The following ATP2A3 variants were observed in gnomAD, a reference collection of about 807,000 sequenced individuals.
ATP2A3 encodes sarcoplasmic/endoplasmic reticulum calcium ATPase 3.
A neutral mutation model predicts 106.8 loss-of-function variants in ATP2A3; 61 were observed. The observed-to-expected ratio is 0.57, with a 90% CI of 0.46 to 0.71. The LOEUF is 0.71. Ranked by LOEUF, ATP2A3 falls within the 30% of genes least tolerant of loss-of-function variation. The pLI is 0.00. For synonymous variants in ATP2A3, 611 were observed against 609.3 expected, an observed-to-expected ratio of 1.00 and a Z score of -0.04; for missense variants, 1,201 against 1,423.5, an observed-to-expected ratio of 0.84 and a Z score of 2.52.
At chr17:3,952,093 G>A (rs796895139) in intron 3 of ATP2A3, among the ~76,000 whole-genome samples, 12 of 152,264 alleles carry the variant, frequency 7.9e-5, no homozygotes, top group African/African-American at 2.4e-4. Context: ...GCAAGCCTAC[G>A]GATTCTTTTG....
At chr17:3,938,551 T>A (rs192180761) in intron 14 of ATP2A3, among the ~76,000 whole-genome samples, 275 of 151,762 alleles carry the variant, frequency 1.8e-3, no homozygotes, top group Non-Finnish European at 3.2e-3. Context: ...CTGGAATTCT[T>A]TTTTTTTGGT....
At position 3,941,448 on chromosome 17, in the gene ATP2A3, A is replaced by G. The variant is rs1346799051; in HGVS notation, c.1752T>C (p.Phe584=). 6.2e-7 allele frequency: 1 copy of G among 1,613,758 alleles called. No individual in the cohort carries two copies. The highest frequency in any genetic ancestry group is 8.5e-7 in the Non-Finnish European group (1 of 1,179,772). Reference sequence around the variant, plus strand: ...CTCCTGCACCCACCTCGTACTGCACAAACTTGCTGCAGTCGTCCAGCTCCA... The same window carrying G: ...CTCCTGCACCCACCTCGTACTGCACGAACTTGCTGCAGTCGTCCAGCTCCA... ...EDMELDDCSK[F]VQYETDLTFV... is the part of the protein sequence containing the mutation. The change falls in exon 13 of 21, where the codon TTT becomes TTC. Residue 584 remains phenylalanine (F), a synonymous_variant. Coordinates refer to ENST00000397041, the MANE Select transcript of ATP2A3 (RefSeq NM_005173.4).
rs1413099907 is a variant in ATP2A3 at position 3,953,063 on chromosome 17, A to G, written c.219+284T>C. Among the ~76,000 whole-genome samples the G allele has an allele frequency of 6.6e-6, 1 of 152,182 alleles. No homozygotes were observed. Among genetic ancestry groups the G allele is most frequent in the African/African-American group, 2.4e-5 (1 of 41,438 alleles). On this transcript the variant is annotated intron_variant, in intron 3 of 20. Coordinates refer to ENST00000397041, the MANE Select transcript of ATP2A3 (RefSeq NM_005173.4). This position sits in a 1 kb window ranked among gnomAD's most constrained non-coding sequence, Gnocchi z 5.1. ...CTGAGGCAGAGAAACCCTAGGGTAC[A>G]GCAGGGCGGGGCGGGGGGCAGATGT... is the stretch of plus-strand genomic sequence containing the variant.
chr17:3,955,276 T>G lies in ATP2A3; in HGVS notation c.119-1566A>C, dbSNP rs960318431. Among the ~76,000 whole-genome samples, 12 of 152,202 alleles carry G rather than the reference T, an allele frequency of 7.9e-5. No homozygotes were observed. Among genetic ancestry groups the G allele is most frequent in the African/African-American group, 2.7e-4 (11 of 41,440 alleles). ...GTTTTTGGCCTACAGGCATTTTTTTTTCCTACGGGAGCCCTCTCCCCGGAC... is the reference window on the plus strand; with the variant it reads ...GTTTTTGGCCTACAGGCATTTTTTTGTCCTACGGGAGCCCTCTCCCCGGAC... On this transcript the variant is annotated intron_variant, in intron 1 of 20. Transcript: ENST00000397041. The surrounding 1 kb of genome is among the most constrained non-coding windows in gnomAD (Gnocchi z 4.2).
intron 20 of ATP2A3, chr17:3,927,383 C>T (rs2052765076): frequency 2.1e-5 from 21 of 985,474 alleles, no homozygotes; most frequent in Non-Finnish European, 2.5e-5. Context: ...GGAACTCTCC[C>T]GAGGAAGACA....
At position 3,944,739 on chromosome 17, in the gene ATP2A3, C is replaced by A. The variant is rs143239393; in HGVS notation, c.1252G>T (p.Ala418Ser). The change falls in exon 10 of 21, where the codon GCC (alanine) becomes TCC (serine). Residue 418 changes from alanine to serine, a missense_variant. Coordinates refer to ENST00000397041, the MANE Select transcript of ATP2A3 (RefSeq NM_005173.4). ...TCCAGAGCCGAGTCGTTGCACAGGG[C>A]GCAGATGGTCGCCAGCTCCACCAGC... Reference protein sequence around the residue: ...DGLVELATICALCNDSALDYN... With the variant: ...DGLVELATICSLCNDSALDYN... 1.2e-6 allele frequency: 2 copies of A among 1,613,230 alleles called. No individual in the cohort carries two copies. Among genetic ancestry groups the A allele is most frequent in the South Asian group, 2.2e-5 (2 of 91,044 alleles).
In ATP2A3 at chr17:3,952,141, G is replaced by A. The variant is rs1432742604; in HGVS notation, c.220-456C>T. On this transcript the variant is annotated intron_variant, in intron 3 of 20. Transcript: ENST00000397041. ...GCTCTGTCGCCCAGGCTGGAGTGCG[G>A]TGGCTGGATCTTGGCTCACTGCAAC... is the stretch of plus-strand genomic sequence containing the variant. 2.6e-5 allele frequency among the ~76,000 whole-genome samples: 4 copies of A among 152,230 alleles called. No individual in the cohort carries two copies. In the East Asian group the frequency reaches 7.7e-4, roughly 29 times the overall value.
intron 4 of ATP2A3, 26 bp downstream of exon 4, chr17:3,951,555 C>CCCCCCG: frequency 7.1e-7 from 1 of 1,413,332 alleles, no homozygotes. Context: ...CGCCCCCCGC[C>CCCCCCG]CGGTCCCACC....
In ATP2A3 at chr17:3,951,702, G is replaced by A. The variant is rs2144654111; in HGVS notation, c.220-17C>T. On this transcript the variant is annotated splice_polypyrimidine_tract_variant and intron_variant, in intron 3 of 20. Coordinates refer to ENST00000397041, the MANE Select transcript of ATP2A3 (RefSeq NM_005173.4). ...GGCCAGGACCTGCAGGATCACAGCT[G>A]GTGAGCTCAGGCCCTGCTGCGGGCC... 1 of 1,598,910 alleles carries A rather than the reference G, an allele frequency of 6.3e-7. No homozygotes were observed. Among genetic ancestry groups the A allele is most frequent in the Non-Finnish European group, 8.5e-7 (1 of 1,172,914 alleles).
At chr17:3,948,728 C>G (rs1409928564) in intron 7 of ATP2A3, among the ~76,000 whole-genome samples, 1 of 152,066 alleles carries the variant, frequency 6.6e-6, no homozygotes, top group East Asian at 1.9e-4. Context: ...CCCTCCAAAG[C>G]TTCTTAGTGA....
Position 3,941,015 on chromosome 17 carries a change from G to A in ATP2A3, c.2056C>T (p.Arg686Cys), listed in dbSNP as rs760508595. Residue 686 changes from arginine (R) to cysteine (C), a missense_variant, in exon 14 of 21, where the codon CGC (arginine) becomes TGC (cysteine). By Grantham distance (180) the Arg-to-Cys change is radical (BLOSUM62 -3). Coordinates refer to ENST00000397041, the MANE Select transcript of ATP2A3 (RefSeq NM_005173.4). ...AAGGACTGCAGGTTCTCCACGATGC[G>A]GGACTTGTGTGCGGGCTCCACGCGG... is the stretch of plus-strand genomic sequence containing the variant. The part of the protein sequence containing the change: ...FARVEPAHKS[R>C]IVENLQSFNE... 8.5e-5 allele frequency: 137 copies of A among 1,613,844 alleles called. No homozygotes were observed. Among genetic ancestry groups the A allele is most frequent in the Non-Finnish European group, 1.1e-4 (129 of 1,179,858 alleles).
In ATP2A3 at chr17:3,924,931, G is replaced by A. The variant is rs1445271016; in HGVS notation, c.*491C>T. ...AGATGGCCCCTTCTGATCCCCCAGGGCTGACCCAGTCCCAGACCAGGCACG... is the reference window on the plus strand; with the variant it reads ...AGATGGCCCCTTCTGATCCCCCAGGACTGACCCAGTCCCAGACCAGGCACG... On this transcript the variant is annotated 3_prime_UTR_variant, in exon 21 of 21. Coordinates refer to ENST00000397041, the MANE Select transcript of ATP2A3 (RefSeq NM_005173.4). The surrounding 1 kb of genome is among the most constrained non-coding windows in gnomAD (Gnocchi z 6.4). The A allele has an allele frequency of 6.8e-6, 3 of 439,240 alleles. No individual in the cohort carries two copies. The highest frequency in any genetic ancestry group is 1.4e-5 in the Non-Finnish European group (3 of 219,232). 27.2% of individuals were successfully genotyped at this position (439,240 alleles called of 1,614,324 possible).
rs2052875720 is a variant in ATP2A3 at position 3,928,903 on chromosome 17, CT to C, written c.2863-124del. 3 of 704,354 alleles carry C rather than the reference CT, an allele frequency of 4.3e-6. No individual in the cohort carries two copies. Among genetic ancestry groups the C allele is most frequent in the Non-Finnish European group, 7.3e-6 (3 of 409,336 alleles). 43.6% of individuals were successfully genotyped at this position (704,354 alleles called of 1,614,324 possible). A position where few individuals can be genotyped will look rare whatever the true frequency, so the allele number is the denominator to read the frequency against. On this transcript the variant is annotated intron_variant, in intron 19 of 20. Transcript: ENST00000397041. This position sits in a 1 kb window ranked among gnomAD's most constrained non-coding sequence, Gnocchi z 6.1. Reference sequence around the variant, plus strand: ...CTTCATGAGCGCTCCTAAGAACCCCCTGGATGCACCCCCGATCTTTGTCCAC... The same window carrying C: ...CTTCATGAGCGCTCCTAAGAACCCCCGGATGCACCCCCGATCTTTGTCCAC...
At position 3,927,009 on chromosome 17, in the gene ATP2A3, GGC is replaced by G. The variant is rs1375290097; in HGVS notation, c.2981-1570_2981-1569del. On this transcript the variant is annotated intron_variant, in intron 20 of 20. Transcript: ENST00000397041. ...GCACTCAAGGCCCTTGCCCCTGCCG[GGC>G]CTCACCCCTCTGCCCTGCATGCTGA... The G allele has an allele frequency of 3.0e-6, 3 of 985,316 alleles. No homozygotes were observed. In the African/African-American group the frequency reaches 5.2e-5, roughly 17 times the overall value. 61.0% of individuals were successfully genotyped at this position (985,316 alleles called of 1,614,324 possible). A position where few individuals can be genotyped will look rare whatever the true frequency, so the allele number is the denominator to read the frequency against.
chr17:3,928,615 A>G lies in ATP2A3; in HGVS notation c.2980+48T>C. The stretch of plus-strand genomic sequence containing the variant: ...AGCGTCCACTGCAGCCCAGGAGCAG[A>G]GGCGGGCGGGGAGGCAGGCTGGAGG... On this transcript the variant is annotated intron_variant, in intron 20 of 20. Coordinates refer to ENST00000397041, the MANE Select transcript of ATP2A3 (RefSeq NM_005173.4). The surrounding 1 kb of genome is among the most constrained non-coding windows in gnomAD (Gnocchi z 6.1). 1 of 1,467,758 alleles carries G rather than the reference A, an allele frequency of 6.8e-7. No individual in the cohort carries two copies. Among genetic ancestry groups the G allele is most frequent in the Non-Finnish European group, 9.3e-7 (1 of 1,071,984 alleles). 90.9% of individuals were successfully genotyped at this position (1,467,758 alleles called of 1,614,324 possible).
At chr17:3,927,821 A>T (rs2052796641) in intron 20 of ATP2A3, 2 of 984,794 alleles carry the variant, frequency 2.0e-6, no homozygotes, top group Non-Finnish European at 2.4e-6. Flanking sequence ...TAGTCCCTCC[A>T]CCCACTCCCC....
chr17:3,937,838 C>A (rs570572402), intron 14 of ATP2A3, among the ~76,000 whole-genome samples: 1 of 152,110 alleles, frequency 6.6e-6, no homozygotes, highest in East Asian at 1.9e-4. Flanking sequence ...CAGACAAGGA[C>A]AAAGTTGGGG....
At position 3,926,587 on chromosome 17, in the gene ATP2A3, G is replaced by C. The variant is rs2144177907; in HGVS notation, c.2981-1146C>G. 6.6e-6 allele frequency among the ~76,000 whole-genome samples: 1 copy of C among 152,148 alleles called. No individual in the cohort carries two copies. The highest frequency in any genetic ancestry group is 1.9e-4 in the East Asian group (1 of 5,172). ...ACCCTCTCTTTTTGGGGGAGAGTGG[G>C]GGAACAGAGTTTTGCTCTGTCACCC... On this transcript the variant is annotated intron_variant, in intron 20 of 20. Coordinates refer to ENST00000397041, the MANE Select transcript of ATP2A3 (RefSeq NM_005173.4). This position sits in a 1 kb window ranked among gnomAD's most constrained non-coding sequence, Gnocchi z 4.6.
chr17:3,954,497 ATT>A (rs3048772), intron 1 of ATP2A3, among the ~76,000 whole-genome samples: 28,163 of 129,526 alleles, frequency 0.22, 3,515 homozygotes, highest in African/African-American at 0.36. Flanking sequence ...TGAGGTGCTG[ATT>A]TTTTTTTTTT....
Sources: allele counts gnomAD v4.1 joint callset (sites outside exome capture counted in the v4.1 genomes callset), GRCh38; gene constraint gnomAD v4.1.1; non-coding constraint Gnocchi (gnomAD v3.1); transcripts MANE v1.5; gene names NCBI Gene and HGNC (gene_info 2026-07-23, HGNC 2026-07-21).